ABHD2: variants seen among roughly 807,000 people sequenced by gnomAD.
ABHD2 encodes monoacylglycerol lipase ABHD2.
A neutral mutation model predicts 48.1 loss-of-function variants in ABHD2; 20 were observed. The observed-to-expected ratio is 0.42, with a 90% CI of 0.29 to 0.60. The LOEUF is 0.60. Among genes scored for constraint, ABHD2 ranks in the 20% least tolerant of loss-of-function variants. The pLI is 0.24. For synonymous variants in ABHD2, 209 were observed against 214.2 expected, an observed-to-expected ratio of 0.98 and a Z score of 0.21; for missense variants, 405 against 550.9, an observed-to-expected ratio of 0.74 and a Z score of 2.65.
the ABHD2 span, among the ~76,000 whole-genome samples, chr15:89,073,343 T>A: frequency 2.0e-4 from 31 of 152,330 alleles, no homozygotes; most frequent in African/African-American, 7.0e-4. Context: ...TTGCCCAGGC[T>A]GGAGTGCAGT....
chr15:89,176,661 C>T lies in ABHD2; in HGVS notation c.722+666C>T, dbSNP rs1472951623. ...CAGGTCTCTCAAGAGTCACCACACT[C>T]ACACGTTCACACACACATGCACACA... On this transcript the variant is annotated intron_variant, in intron 6 of 10. Transcript: ENST00000352732. This position sits in a 1 kb window ranked among gnomAD's most constrained non-coding sequence, Gnocchi z 4.5. Among the ~76,000 whole-genome samples the T allele has an allele frequency of 1.3e-5, 2 of 152,172 alleles. No individual in the cohort carries two copies. Among genetic ancestry groups the T allele is most frequent in the African/African-American group, 4.8e-5 (2 of 41,434 alleles).
intron 5 of ABHD2, among the ~76,000 whole-genome samples, chr15:89,172,724 A>C (rs1387586819): frequency 1.3e-5 from 2 of 152,218 alleles, no homozygotes; most frequent in Non-Finnish European, 2.9e-5. Context: ...AACTCTACGA[A>C]GTCTTTACTC....
intron 6 of ABHD2, among the ~76,000 whole-genome samples, chr15:89,178,659 C>G (rs1479029654): frequency 6.6e-6 from 1 of 152,216 alleles, no homozygotes; most frequent in Non-Finnish European, 1.5e-5. Flanking sequence ...CACCTTCTAC[C>G]TAAATGTGCT....
At chr15:89,064,325 T>C in the ABHD2 span, among the ~76,000 whole-genome samples, 32,103 of 151,206 alleles carry the variant, frequency 0.21, 4,311 homozygotes, top group African/African-American at 0.36. Context: ...GTTTAAGCGA[T>C]TCTCCTGCCT....
rs1188587363 is a variant in ABHD2 at position 89,094,654 on chromosome 15, G to GC, written c.-107+6093dup. Among the ~76,000 whole-genome samples, 1 of 152,112 alleles carries GC rather than the reference G, an allele frequency of 6.6e-6. No homozygotes were observed. The highest frequency in any genetic ancestry group is 1.5e-5 in the Non-Finnish European group (1 of 68,034). On this transcript the variant is annotated intron_variant, in intron 1 of 10. Transcript: ENST00000352732. The surrounding 1 kb of genome is among the most constrained non-coding windows in gnomAD (Gnocchi z 4.7). ...ACCCAGGAGGCAGAGGCTGCCGTGA[G>GC]CCAAGATCGCACCACTGCACTCCAG...
intron 3 of ABHD2, among the ~76,000 whole-genome samples, chr15:89,132,459 A>G (rs2050235378): frequency 6.6e-6 from 1 of 152,226 alleles, no homozygotes; most frequent in South Asian, 2.1e-4. Flanking sequence ...AGCAGAAGAC[A>G]ATTATATATC....
chr15:89,135,607 T>C (rs2050296193), intron 3 of ABHD2: 2 of 1,543,664 alleles, frequency 1.3e-6, no homozygotes, highest in East Asian at 2.3e-5. Context: ...CTCATCTTCC[T>C]CCTCTTCCTT....
chr15:89,127,430 GT>G (rs1448177772), intron 3 of ABHD2, among the ~76,000 whole-genome samples: 2 of 151,012 alleles, frequency 1.3e-5, no homozygotes. Context: ...CAGGTTATAT[GT>G]TTTTCTACCC....
chr15:89,076,756 T>A, the ABHD2 span, among the ~76,000 whole-genome samples: 8 of 152,332 alleles, frequency 5.3e-5, no homozygotes, highest in South Asian at 1.7e-3. Flanking sequence ...AGTGCTAGGA[T>A]TACAGGCATG....
the ABHD2 span, among the ~76,000 whole-genome samples, chr15:89,055,162 T>C: frequency 6.6e-6 from 1 of 152,210 alleles, no homozygotes; most frequent in Non-Finnish European, 1.5e-5. Flanking sequence ...TGCGCCACTG[T>C]ACTTCAACCT....
At chr15:89,107,581 G>A (rs775086799) in intron 1 of ABHD2, among the ~76,000 whole-genome samples, 3 of 152,066 alleles carry the variant, frequency 2.0e-5, no homozygotes, top group Non-Finnish European at 4.4e-5. Flanking sequence ...ATTGTATGCC[G>A]GCATTGTTTT....
chr15:89,100,752 C>T lies in ABHD2; in HGVS notation c.-107+12189C>T, dbSNP rs367604398. Among the ~76,000 whole-genome samples the T allele has an allele frequency of 1.4e-4, 21 of 152,114 alleles. No homozygotes were observed. The highest frequency in any genetic ancestry group is 3.9e-4 in the Admixed American group (6 of 15,276). On this transcript the variant is annotated intron_variant, in intron 1 of 10. Transcript: ENST00000352732. This position sits in a 1 kb window ranked among gnomAD's most constrained non-coding sequence, Gnocchi z 4.4. ...GGTGTGGTGGCGGGCACCTGTAATA[C>T]CAGCTACTCGGGAGGCTGAGGCAGG...
the ABHD2 span, among the ~76,000 whole-genome samples, chr15:89,052,673 C>G: frequency 2.6e-5 from 4 of 152,084 alleles, no homozygotes; most frequent in East Asian, 7.7e-4. Flanking sequence ...TGCCTGCAAA[C>G]CACAAGCAGG....
At chr15:89,046,211 G>A in the ABHD2 span, among the ~76,000 whole-genome samples, 31 of 152,202 alleles carry the variant, frequency 2.0e-4, 1 homozygote, top group Admixed American at 1.2e-3. Flanking sequence ...ATTGATTTGC[G>A]TATATTGAAC....
rs972430520 is a variant in ABHD2 at position 89,088,797 on chromosome 15, C to T, written c.-107+234C>T. Among the ~76,000 whole-genome samples, 4 of 152,228 alleles carry T rather than the reference C, an allele frequency of 2.6e-5. No homozygotes were observed. Among genetic ancestry groups the T allele is most frequent in the Admixed American group, 6.5e-5 (1 of 15,292 alleles). On this transcript the variant is annotated intron_variant, in intron 1 of 10. Coordinates refer to ENST00000352732, the MANE Select transcript of ABHD2 (RefSeq NM_152924.5). The surrounding 1 kb of genome is among the most constrained non-coding windows in gnomAD (Gnocchi z 6.8). ...ACGCCTTCCTGAGGCCCTTTGTCCC[C>T]TTCTGCCCGAGGAACCGAGGTTGGG...
the ABHD2 span, among the ~76,000 whole-genome samples, chr15:89,042,274 A>T: frequency 6.6e-6 from 1 of 152,150 alleles, no homozygotes; most frequent in Non-Finnish European, 1.5e-5. Context: ...CCACTCAGTG[A>T]CACTATTGAG....
chr15:89,117,283 C>T (rs370497317), intron 3 of ABHD2, among the ~76,000 whole-genome samples: 1 of 152,220 alleles, frequency 6.6e-6, no homozygotes, highest in African/African-American at 2.4e-5. Context: ...GCCTTGGCCT[C>T]CCAAAGTGCT....
chr15:89,053,864 T>C, the ABHD2 span, among the ~76,000 whole-genome samples: 1 of 152,164 alleles, frequency 6.6e-6, no homozygotes, highest in East Asian at 1.9e-4. Flanking sequence ...GCTCTCATTT[T>C]CCCAATTAAG....
chr15:89,068,925 C>T, the ABHD2 span, among the ~76,000 whole-genome samples: 6 of 151,098 alleles, frequency 4.0e-5, no homozygotes, highest in East Asian at 1.9e-4. Context: ...CATGCCACCA[C>T]ACCCTGCTAA....
Sources: allele counts gnomAD v4.1 joint callset (sites outside exome capture counted in the v4.1 genomes callset), GRCh38; gene constraint gnomAD v4.1.1; non-coding constraint Gnocchi (gnomAD v3.1); transcripts MANE v1.5; gene names NCBI Gene and HGNC (gene_info 2026-07-23, HGNC 2026-07-21).